DNAI4: variants seen among roughly 807,000 people sequenced by gnomAD.
The protein encoded by DNAI4 is dynein axonemal intermediate chain 4.
Under a neutral mutation model 105.8 loss-of-function variants are expected in DNAI4, and 85 were observed. The ratio of observed to expected loss-of-function variants is 0.80; its 90% CI spans 0.67 to 0.96. The LOEUF is 0.96. Ranked by LOEUF, DNAI4 falls within the 40% of genes least tolerant of loss-of-function variation. DNAI4 has a pLI of 0.00. For synonymous variants in DNAI4, 352 were observed against 331.5 expected (o/e 1.06, Z -0.67); for missense variants, 1,014 against 1,005.6 (o/e 1.01, Z -0.11).
intron 16 of DNAI4, among the ~76,000 whole-genome samples, chr1:66,815,284 G>T (rs771683228): frequency 2.6e-5 from 4 of 152,076 alleles, no homozygotes; most frequent in African/African-American, 7.2e-5. Context: ...TCCTTAGACC[G>T]TGTCACATAG....
Position 66,822,415 on chromosome 1 carries a change from T to C in DNAI4, c.2442A>G (p.Gly814=). 1.9e-6 allele frequency: 3 copies of C among 1,613,514 alleles called. No individual in the cohort carries two copies. Among genetic ancestry groups the C allele is most frequent in the Non-Finnish European group, 2.5e-6 (3 of 1,179,790 alleles). ...TTCTCAGTTCATACACAGAAACCTG[T>C]CCATCACTGTCTCCTACCAGAAGGC... ...TDCLLVGDSD[G]QVSVYELRNM... Residue 814 remains glycine (G), a synonymous_variant, in exon 16 of 17, where the codon GGA becomes GGG. Coordinates refer to ENST00000371026, the MANE Select transcript of DNAI4 (RefSeq NM_024763.5).
intron 3 of DNAI4, among the ~76,000 whole-genome samples, 170 bp downstream of exon 3, chr1:66,893,059 G>GGAA (rs1553227625): frequency 5.3e-5 from 3 of 56,518 alleles, no homozygotes; most frequent in African/African-American, 2.2e-4. Flanking sequence ...AAGAAAGAGA[G>GGAA]AGAGAGAAAG....
intron 16 of DNAI4, among the ~76,000 whole-genome samples, chr1:66,821,836 T>C (rs1270208318): frequency 1.3e-5 from 2 of 152,138 alleles, no homozygotes; most frequent in Non-Finnish European, 2.9e-5. Flanking sequence ...AAATTTTAAA[T>C]TGAAAACTTT....
intron 6 of DNAI4, among the ~76,000 whole-genome samples, chr1:66,866,729 A>G (rs991212796): frequency 2.6e-5 from 4 of 152,134 alleles, no homozygotes; most frequent in African/African-American, 9.7e-5. Context: ...CATACTTGAC[A>G]TTTGGTTGGA....
chr1:66,914,925 A>G (rs1649953332), intron 1 of DNAI4, among the ~76,000 whole-genome samples: 1 of 152,228 alleles, frequency 6.6e-6, no homozygotes, highest in Non-Finnish European at 1.5e-5. Flanking sequence ...TAACTTAAGT[A>G]AAATCTTTAA....
Position 66,833,697 on chromosome 1 carries a change from C to G in DNAI4, c.1901G>C (p.Arg634Pro). ...ACTGGCAGCTGTAGTTCTCTTTAAT[C>G]GCATCAAATCTGTATTTAAAGAAAA... is the stretch of plus-strand genomic sequence containing the variant. Reference protein sequence around the residue: ...RKGLDCYDLMRLKRTTAASNK... With the variant: ...RKGLDCYDLMPLKRTTAASNK... The change falls in exon 13 of 17, where the codon CGA (arginine) becomes CCA (proline). Residue 634 changes from arginine to proline, a missense_variant. Physicochemically the swap from Arg to Pro is moderately radical, Grantham distance 103 (BLOSUM62 -2). Coordinates refer to ENST00000371026, the MANE Select transcript of DNAI4 (RefSeq NM_024763.5). The G allele has an allele frequency of 2.5e-6, 4 of 1,611,730 alleles. No individual in the cohort carries two copies. The highest frequency in any genetic ancestry group is 3.4e-6 in the Non-Finnish European group (4 of 1,179,108).
chr1:66,853,463 T>TAA (rs1646438360), intron 7 of DNAI4, among the ~76,000 whole-genome samples: 1 of 152,120 alleles, frequency 6.6e-6, no homozygotes. Flanking sequence ...AAAGGGAAGT[T>TAA]TTAACCAGGC....
rs1359341825 is a variant in DNAI4 at position 66,813,497 on chromosome 1, G to A, written c.*633C>T. 2.0e-5 allele frequency: 3 copies of A among 152,334 alleles called. No individual in the cohort carries two copies. The highest frequency in any genetic ancestry group is 4.4e-5 in the Non-Finnish European group (3 of 68,052). 9.4% of individuals were successfully genotyped at this position (152,334 alleles called of 1,614,324 possible). A position where few individuals can be genotyped will look rare whatever the true frequency, so the allele number is the denominator to read the frequency against. On this transcript the variant is annotated 3_prime_UTR_variant, in exon 17 of 17. Transcript: ENST00000371026. ...CTGGGCAAACAGAGAAGAGTACCCT[G>A]TTGTGTCCCAGATGAATTTTTCTCA...
At chr1:66,862,590 C>G (rs1569626775) in intron 6 of DNAI4, among the ~76,000 whole-genome samples, 2 of 152,118 alleles carry the variant, frequency 1.3e-5, no homozygotes, top group African/African-American at 4.8e-5. Flanking sequence ...AAAAAAGAAT[C>G]TACTGTTTAT....
intron 2 of DNAI4, among the ~76,000 whole-genome samples, chr1:66,895,476 A>T (rs888024142): frequency 6.6e-6 from 1 of 152,134 alleles, no homozygotes; most frequent in African/African-American, 2.4e-5. Context: ...CTCTAAAAAA[A>T]TTTTTTTCAA....
chr1:66,909,416 C>G (rs909292854), intron 1 of DNAI4, among the ~76,000 whole-genome samples: 6 of 151,760 alleles, frequency 4.0e-5, no homozygotes, highest in Non-Finnish European at 7.4e-5. Flanking sequence ...AATACTAACT[C>G]TAATAATGGT....
rs533761606 is a variant in DNAI4, at chr1:66,856,313, C to CAA, written c.1096+5832_1096+5833dup. ...TGAAACCCCGTCTCTACTAAAAATA[C>CAA]AAAAAAAAAAATAGCCAGGCATGGT... On this transcript the variant is annotated intron_variant, in intron 7 of 16. Coordinates refer to ENST00000371026, the MANE Select transcript of DNAI4 (RefSeq NM_024763.5). 7.6e-4 allele frequency among the ~76,000 whole-genome samples: 108 copies of CAA among 142,266 alleles called. 1 individual carries two copies. The highest frequency in any genetic ancestry group is 2.7e-3 in the African/African-American group (104 of 38,910). The allele number at this position is 142,266 out of a possible 152,430, so 93.3% of individuals were successfully genotyped here.
chr1:66,837,965 C>T (rs112830752), intron 9 of DNAI4, among the ~76,000 whole-genome samples, 169 bp from the exon 10 acceptor site: 41 of 152,218 alleles, frequency 2.7e-4, no homozygotes, highest in African/African-American at 9.6e-4. Context: ...CCTCCATATT[C>T]CTAAGCAAAA....
intron 1 of DNAI4, among the ~76,000 whole-genome samples, chr1:66,907,911 C>T (rs11808211): frequency 0.016 from 2,474 of 152,258 alleles, 71 homozygotes; most frequent in African/African-American, 0.057. Flanking sequence ...AACAATCCTT[C>T]GACCCTATTA....
intron 1 of DNAI4, among the ~76,000 whole-genome samples, chr1:66,923,915 T>C (rs1212950571): frequency 6.6e-6 from 1 of 152,208 alleles, no homozygotes; most frequent in African/African-American, 2.4e-5. Context: ...GTTCAACTGC[T>C]GCATAACAAC....
At chr1:66,915,831 A>G (rs2100881985) in intron 1 of DNAI4, among the ~76,000 whole-genome samples, 1 of 152,298 alleles carries the variant, frequency 6.6e-6, no homozygotes, top group African/African-American at 2.4e-5. Flanking sequence ...ATATGAGAAA[A>G]AAAATCTTTG....
At chr1:66,839,725 C>A (rs187633218) in intron 9 of DNAI4, among the ~76,000 whole-genome samples, 1 of 152,120 alleles carries the variant, frequency 6.6e-6, no homozygotes, top group Non-Finnish European at 1.5e-5. Context: ...ACATATAATT[C>A]TCCAACTTGA....
chr1:66,837,362 C>CT (rs1646047063), intron 10 of DNAI4, among the ~76,000 whole-genome samples: 3 of 65,712 alleles, frequency 4.6e-5, no homozygotes, highest in Middle Eastern at 0.013. Flanking sequence ...AAGACTCTGT[C>CT]TCAAAAAAAA....
At chr1:66,898,802 C>T (rs887553241) in intron 2 of DNAI4, among the ~76,000 whole-genome samples, 6 of 152,160 alleles carry the variant, frequency 3.9e-5, no homozygotes, top group Non-Finnish European at 7.4e-5. Context: ...CCCAGCCCTA[C>T]GCCACCACTA....
Sources: gnomAD v4.1 joint callset for allele counts (sites outside exome capture counted in the v4.1 genomes callset) on GRCh38, gnomAD v4.1.1 for gene constraint, MANE v1.5 for transcripts, NCBI Gene and HGNC (gene_info 2026-07-23, HGNC 2026-07-21) for gene names.